Variants in POU2F2 observed in about 807,000 individuals in gnomAD.
POU2F2 encodes the protein POU class 2 homeobox 2.
A neutral mutation model predicts 63.5 loss-of-function variants in POU2F2; 14 were observed. The observed-to-expected ratio is 0.22, with a 90% CI of 0.15 to 0.34. The LOEUF is 0.34. POU2F2 is among the 10% of genes least tolerant of loss of function. The pLI, the probability that POU2F2 is intolerant of heterozygous loss-of-function variation, is 1.00. For synonymous variants in POU2F2, 306 were observed against 348.6 expected, an observed-to-expected ratio of 0.88 and a Z score of 1.36; for missense variants, 607 against 815.2, an observed-to-expected ratio of 0.74 and a Z score of 3.11.
In POU2F2 at chr19:42,137,650, C is replaced by T. The variant is rs564190575; in HGVS notation, c.-8-15074G>A. Among the ~76,000 whole-genome samples the T allele has an allele frequency of 1.4e-4, 21 of 152,042 alleles. No homozygotes were observed. The East Asian group carries it at 3.9e-3, about 28-fold the overall frequency. Reference sequence around the variant, plus strand: ...CTGAGGCGGGAAGATTGCTTGAGGTCGAGGCTGCAGTGAGCTACGATCATG... The same window carrying T: ...CTGAGGCGGGAAGATTGCTTGAGGTTGAGGCTGCAGTGAGCTACGATCATG... On this transcript the variant is annotated intron_variant, in intron 2 of 6. Transcript: ENST00000524801.
intron 1 of POU2F2, among the ~76,000 whole-genome samples, chr19:42,191,501 C>A (rs1173142882): frequency 6.9e-6 from 1 of 144,122 alleles, no homozygotes; most frequent in African/African-American, 3.0e-5. Context: ...ACCCTGCCCA[C>A]ACCTCTGCAA....
chr19:42,193,604 G>A (rs1055354465), intron 1 of POU2F2, among the ~76,000 whole-genome samples: 11 of 152,140 alleles, frequency 7.2e-5, no homozygotes, highest in Non-Finnish European at 1.0e-4. Flanking sequence ...AGTGGAACTG[G>A]TTTTAGATTT....
At chr19:42,187,404 G>T (rs1308203284) in intron 1 of POU2F2, among the ~76,000 whole-genome samples, 1 of 150,004 alleles carries the variant, frequency 6.7e-6, no homozygotes, top group African/African-American at 2.5e-5. Flanking sequence ...CCAGGAGGTG[G>T]AGGCTACAGT....
Position 42,142,843 on chromosome 19 carries a change from C to A in POU2F2, c.-9+17489G>T, listed in dbSNP as rs2034156998. On this transcript the variant is annotated intron_variant, in intron 2 of 6. Coordinates refer to the POU2F2 transcript ENST00000524801. ...TCTCCCTACATGCTGGGGTTATAGT[C>A]ATGAGCCACTGTGCCTGGCCTGTAC... Among the ~76,000 whole-genome samples, 3 of 152,110 alleles carry A rather than the reference C, an allele frequency of 2.0e-5. No individual in the cohort carries two copies. The South Asian group carries it at 6.2e-4, about 31-fold the overall frequency.
At chr19:42,128,571 G>C (rs2033408159) in intron 1 of POU2F2, among the ~76,000 whole-genome samples, 1 of 152,146 alleles carries the variant, frequency 6.6e-6, no homozygotes, top group Admixed American at 6.5e-5. Context: ...ATTTCCACCA[G>C]GAATGAACAG....
intron 1 of POU2F2, among the ~76,000 whole-genome samples, chr19:42,167,471 A>G (rs2034676468): frequency 6.6e-6 from 1 of 152,116 alleles, no homozygotes; most frequent in Non-Finnish European, 1.5e-5. Context: ...TCCAAAAAAA[A>G]AAAAAAGCTG....
At chr19:42,165,150 T>C (rs1297242781) in intron 1 of POU2F2, among the ~76,000 whole-genome samples, 1 of 152,216 alleles carries the variant, frequency 6.6e-6, no homozygotes, top group Non-Finnish European at 1.5e-5. Flanking sequence ...CTAGTGCTGT[T>C]TCTCTGCTTC....
intron 2 of POU2F2, among the ~76,000 whole-genome samples, chr19:42,144,080 A>G (rs2034183703): frequency 6.6e-6 from 1 of 152,216 alleles, no homozygotes; most frequent in Admixed American, 6.5e-5. Flanking sequence ...ACAAAATTGG[A>G]TTAATCATAA....
chr19:42,149,395 G>T (rs1232961563), intron 2 of POU2F2, among the ~76,000 whole-genome samples: 1 of 152,188 alleles, frequency 6.6e-6, no homozygotes, highest in Non-Finnish European at 1.5e-5. Context: ...TCTTTCTATG[G>T]CTGTGGGAGG....
At position 42,156,245 on chromosome 19, in the gene POU2F2, G is replaced by C. The variant is rs372734602; in HGVS notation, c.-9+4087C>G. 2 of 152,192 alleles carry C rather than the reference G, an allele frequency of 1.3e-5. No homozygotes were observed. Among genetic ancestry groups the C allele is most frequent in the East Asian group, 3.8e-4 (2 of 5,196 alleles). 9.4% of individuals were successfully genotyped at this position (152,192 alleles called of 1,614,324 possible). ...ACCCACTGGTCCCCGAACTGGCTCA[G>C]AGATGCAAGCCATTTTTACCTCCTA... On this transcript the variant is annotated intron_variant, in intron 2 of 6. Coordinates refer to the POU2F2 transcript ENST00000524801. The surrounding 1 kb of genome is among the most constrained non-coding windows in gnomAD (Gnocchi z 4.1).
chr19:42,128,955 C>T (rs986203533), intron 1 of POU2F2, among the ~76,000 whole-genome samples: 1 of 152,112 alleles, frequency 6.6e-6, no homozygotes, highest in African/African-American at 2.4e-5. Flanking sequence ...GCCTCAGCCT[C>T]CCGAGTAGCT....
chr19:42,176,838 GA>G (rs2034892689), upstream of POU2F2, among the ~76,000 whole-genome samples: 1 of 151,728 alleles, frequency 6.6e-6, no homozygotes, highest in Admixed American at 6.6e-5. Context: ...GCGCGGTGCG[GA>G]GTGAGCGGCG....
intron 1 of POU2F2, among the ~76,000 whole-genome samples, chr19:42,128,798 T>C (rs1293886738): frequency 6.6e-6 from 1 of 152,020 alleles, no homozygotes; most frequent in African/African-American, 2.4e-5. Flanking sequence ...AGGGTGTGAC[T>C]TGGGCATCCA....
intron 1 of POU2F2, among the ~76,000 whole-genome samples, chr19:42,123,589 C>G (rs1261201216): frequency 3.3e-5 from 5 of 152,176 alleles, no homozygotes; most frequent in African/African-American, 1.2e-4. Context: ...CCCAAAAGCA[C>G]AGCAAGACAG....
intron 5 of POU2F2, among the ~76,000 whole-genome samples, chr19:42,108,088 T>A (rs2030423289): frequency 6.6e-6 from 1 of 152,134 alleles, no homozygotes; most frequent in Admixed American, 6.5e-5. Context: ...TCTTATGAAG[T>A]CTTCTTTTTC....
intron 5 of POU2F2, among the ~76,000 whole-genome samples, chr19:42,106,627 C>T (rs1398831366): frequency 1.3e-5 from 2 of 152,070 alleles, no homozygotes; most frequent in Non-Finnish European, 2.9e-5. Context: ...AAAATAAAAA[C>T]TGGCTGGGCA....
intron 2 of POU2F2, among the ~76,000 whole-genome samples, chr19:42,159,636 G>T (rs1199704490): frequency 6.6e-6 from 1 of 152,192 alleles, no homozygotes; most frequent in Non-Finnish European, 1.5e-5. Context: ...TCCCACAGAG[G>T]TGAGCAGCAG....
chr19:42,139,145 C>A (rs1028512300), intron 2 of POU2F2, among the ~76,000 whole-genome samples: 1 of 152,072 alleles, frequency 6.6e-6, no homozygotes, highest in Non-Finnish European at 1.5e-5. Flanking sequence ...ACAATAAAAC[C>A]CCATCTCTAC....
At chr19:42,196,451 T>C (rs1164210857) in exon 1 of POU2F2, 1 of 152,260 alleles carries the variant, frequency 6.6e-6, no homozygotes, top group Admixed American at 6.5e-5. Flanking sequence ...GGCTGAAAAA[T>C]TCCAGCAAAG....
Sources: allele counts gnomAD v4.1 joint callset (sites outside exome capture counted in the v4.1 genomes callset), GRCh38; gene constraint gnomAD v4.1.1; non-coding constraint Gnocchi (gnomAD v3.1); transcripts MANE v1.5; gene names NCBI Gene and HGNC (gene_info 2026-07-23, HGNC 2026-07-21).